The following KCNJ12 variants were observed in gnomAD, a reference collection of about 807,000 sequenced individuals.
The protein encoded by KCNJ12 is ATP-sensitive inward rectifier potassium channel 12.
Under a neutral mutation model 22.3 loss-of-function variants are expected in KCNJ12, and 2 were observed. The ratio of observed to expected loss-of-function variants is 0.09; its 90% CI spans 0.04 to 0.28. The LOEUF is 0.28. Ranked by LOEUF, KCNJ12 falls within the 10% of genes least tolerant of loss-of-function variation. The pLI is 1.00. For missense variants in KCNJ12, 155 were observed against 633.3 expected (o/e 0.24, Z 8.11); for synonymous variants, 117 against 261.4 (o/e 0.45, Z 5.33).
intron 2 of KCNJ12, among the ~76,000 whole-genome samples, chr17:21,414,294 G>C (rs1432877728): frequency 6.6e-6 from 1 of 152,298 alleles, no homozygotes; most frequent in Non-Finnish European, 1.5e-5. Flanking sequence ...GGCCAACATG[G>C]TGAAACCCCG....
intron 1 of KCNJ12, among the ~76,000 whole-genome samples, chr17:21,395,545 C>T (rs113469402): frequency 7.0e-4 from 80 of 113,812 alleles, no homozygotes; most frequent in Admixed American, 3.8e-4. Flanking sequence ...CGCACCACTA[C>T]ACTCCAGAGC....
chr17:21,398,750 C>T (rs539029629), intron 1 of KCNJ12, among the ~76,000 whole-genome samples: 7 of 152,336 alleles, frequency 4.6e-5, no homozygotes, highest in African/African-American at 1.7e-4. Context: ...TATCCTAGGT[C>T]GTGTATCGGT....
At chr17:21,382,437 C>T (rs571308774) in intron 1 of KCNJ12, among the ~76,000 whole-genome samples, 3 of 152,330 alleles carry the variant, frequency 2.0e-5, no homozygotes, top group South Asian at 4.1e-4. Context: ...TTAAGCATTC[C>T]AGACTCCCCA....
intron 1 of KCNJ12, among the ~76,000 whole-genome samples, chr17:21,399,308 T>G (rs1905494434): frequency 1.3e-5 from 2 of 152,202 alleles, no homozygotes; most frequent in African/African-American, 4.8e-5. Flanking sequence ...GGGGCAAGGA[T>G]AGTCCCCAGC....
intron 2 of KCNJ12, among the ~76,000 whole-genome samples, chr17:21,414,771 G>C (rs1906593839): frequency 6.6e-6 from 1 of 152,430 alleles, no homozygotes; most frequent in East Asian, 1.9e-4. Flanking sequence ...GCCGGAAGGG[G>C]AGTCCGCTGG....
At chr17:21,391,977 C>A (rs1355073217) in intron 1 of KCNJ12, among the ~76,000 whole-genome samples, 1 of 152,240 alleles carries the variant, frequency 6.6e-6, no homozygotes, top group Non-Finnish European at 1.5e-5. Context: ...TGGGGCTCCT[C>A]ATCTGAAAGT....
chr17:21,402,472 C>T (rs1452192134), intron 1 of KCNJ12, among the ~76,000 whole-genome samples: 1 of 152,312 alleles, frequency 6.6e-6, no homozygotes, highest in Non-Finnish European at 1.5e-5. Flanking sequence ...ATTCTGGCAG[C>T]AGTGCCAGGC....
rs1267929234 is a variant in KCNJ12, at chr17:21,416,487, C to G, written c.1145C>G (p.Ala382Gly). 2 of 1,613,862 alleles carry G rather than the reference C, an allele frequency of 1.2e-6. No homozygotes were observed. Among genetic ancestry groups the G allele is most frequent in the Non-Finnish European group, 1.7e-6 (2 of 1,180,050 alleles). Residue 382 changes from alanine (A) to glycine (G), a missense_variant, in exon 3 of 3, where the codon GCC becomes GGC. Coordinates refer to ENST00000583088, the MANE Select transcript of KCNJ12 (RefSeq NM_021012.5). ...ANSFCYENEL[A>G]FLSRDEEDEA... ...TCCTTCTGCTACGAGAACGAGCTGGCCTTCCTGAGCCGTGACGAGGAGGAT... is the reference window on the plus strand; with the variant it reads ...TCCTTCTGCTACGAGAACGAGCTGGGCTTCCTGAGCCGTGACGAGGAGGAT...
chr17:21,380,733 C>T (rs1904835433), intron 1 of KCNJ12, among the ~76,000 whole-genome samples: 1 of 152,184 alleles, frequency 6.6e-6, no homozygotes, highest in African/African-American at 2.4e-5. Flanking sequence ...CCAACCTTCC[C>T]TTGGACATGT....
chr17:21,398,499 T>C (rs782668906), intron 1 of KCNJ12, among the ~76,000 whole-genome samples: 1 of 152,200 alleles, frequency 6.6e-6, no homozygotes, highest in Admixed American at 6.5e-5. Context: ...ATCCCTCCAA[T>C]GGGCTTCCTT....
At position 21,418,186 on chromosome 17, in the gene KCNJ12, G is replaced by C. The variant is rs567984282; in HGVS notation, c.*1542G>C. ...TGGGTCAGGTCCATGGTAGAGCCAG[G>C]CCCTTCCCAGGGCTGCGGAGAAAAC... On this transcript the variant is annotated 3_prime_UTR_variant, in exon 3 of 3. Transcript: ENST00000583088. The C allele has an allele frequency of 3.6e-5, 6 of 167,106 alleles. No individual in the cohort carries two copies. Among genetic ancestry groups the C allele is most frequent in the African/African-American group, 1.4e-4 (6 of 41,518 alleles). The allele number at this position is 167,106 out of a possible 1,614,324, so 10.4% of individuals were successfully genotyped here.
intron 1 of KCNJ12, among the ~76,000 whole-genome samples, chr17:21,386,891 G>T (rs1209591258): frequency 6.6e-6 from 1 of 152,174 alleles, no homozygotes; most frequent in Non-Finnish European, 1.5e-5. Context: ...ATTTGCAAAG[G>T]CTCTTTTCAT....
At chr17:21,383,990 C>T (rs1555558352) in intron 1 of KCNJ12, among the ~76,000 whole-genome samples, 1 of 152,128 alleles carries the variant, frequency 6.6e-6, no homozygotes, top group African/African-American at 2.4e-5. Context: ...GTGAATTTCT[C>T]CTCCTCACCC....
rs1446742545 is a variant in KCNJ12, at chr17:21,416,815, G to A, written c.*171G>A. 6 of 1,244,882 alleles carry A rather than the reference G, an allele frequency of 4.8e-6. No homozygotes were observed. The highest frequency in any genetic ancestry group is 2.6e-5 in the East Asian group (1 of 39,072). 77.1% of individuals were successfully genotyped at this position (1,244,882 alleles called of 1,614,324 possible). A position where few individuals can be genotyped will look rare whatever the true frequency, so the allele number is the denominator to read the frequency against. On this transcript the variant is annotated 3_prime_UTR_variant, in exon 3 of 3. Transcript: ENST00000583088. ...CGGCCTCAGAAGTTTGGCCGGAGAG[G>A]GGGCAGCCAGAGCGGCAGCCCCCGG...
chr17:21,405,663 C>G (rs1226859699), intron 1 of KCNJ12, among the ~76,000 whole-genome samples: 1 of 152,300 alleles, frequency 6.6e-6, no homozygotes, highest in South Asian at 2.1e-4. Flanking sequence ...CCTGTTGGCC[C>G]TCAGTCGTGG....
intron 1 of KCNJ12, among the ~76,000 whole-genome samples, chr17:21,382,307 G>A (rs1555558062): frequency 6.6e-6 from 1 of 152,168 alleles, no homozygotes; most frequent in African/African-American, 2.4e-5. Context: ...TGGGGCGTGG[G>A]GCCTCTCATA....
At chr17:21,378,772 G>A (rs1337789073) in intron 1 of KCNJ12, among the ~76,000 whole-genome samples, 1 of 152,060 alleles carries the variant, frequency 6.6e-6, no homozygotes, top group South Asian at 2.1e-4. Flanking sequence ...AGCACTGAAG[G>A]GGGTGGAGCC....
intron 2 of KCNJ12, among the ~76,000 whole-genome samples, chr17:21,409,953 C>G (rs1433965234): frequency 1.3e-5 from 2 of 152,172 alleles, no homozygotes; most frequent in African/African-American, 4.8e-5. Flanking sequence ...GAGGTTTGGC[C>G]TGGAAAGGGG....
At chr17:21,402,717 G>A (rs1223680015) in intron 1 of KCNJ12, among the ~76,000 whole-genome samples, 2 of 152,312 alleles carry the variant, frequency 1.3e-5, no homozygotes, top group Admixed American at 6.5e-5. Context: ...CAACTGTAAC[G>A]TGCTCCCCTA....
Sources: gnomAD v4.1 joint callset for allele counts (sites outside exome capture counted in the v4.1 genomes callset) on GRCh38, gnomAD v4.1.1 for gene constraint, MANE v1.5 for transcripts, NCBI Gene and HGNC (gene_info 2026-07-23, HGNC 2026-07-21) for gene names.